CRB1: variants seen among roughly 807,000 people sequenced by gnomAD.
The protein encoded by CRB1 is protein crumbs homolog 1.
Under a neutral mutation model 120.0 loss-of-function variants are expected in CRB1, and 83 were observed. That is an observed-to-expected ratio of 0.69 (90% CI 0.58 to 0.83). The LOEUF (loss-of-function observed/expected upper bound fraction) is 0.83. Among genes scored for constraint, CRB1 ranks in the 40% least tolerant of loss-of-function variants. CRB1 has a pLI of 0.00. For synonymous variants in CRB1, 625 were observed against 612.5 expected, an observed-to-expected ratio of 1.02 and a Z score of -0.30; for missense variants, 1,699 against 1,687.6, an observed-to-expected ratio of 1.01 and a Z score of -0.12.
rs778684885 is a variant in CRB1, at chr1:197,442,288, T to C, written c.4001T>C (p.Val1334Ala). ...GCCTTTGCTGGCGAGCGCTGCGAGG[T>C]GGACGTAAGCAGCCTCTCCTTTTAT... ...DVAFAGERCE[V>A]DLADDLISDI... The change falls in exon 11 of 12, where the codon GTG (valine) becomes GCG (alanine). Residue 1334 changes from valine to alanine, a missense_variant. Transcript: ENST00000367400. The C allele has an allele frequency of 3.1e-6, 5 of 1,614,232 alleles. No homozygotes were observed. Among genetic ancestry groups the C allele is most frequent in the Non-Finnish European group, 3.4e-6 (4 of 1,180,042 alleles).
chr1:197,435,098 G>A lies in CRB1; in HGVS notation c.3235G>A (p.Asp1079Asn), dbSNP rs1200731853. 1.2e-6 allele frequency: 2 copies of A among 1,613,922 alleles called. No individual in the cohort carries two copies. Among genetic ancestry groups the A allele is most frequent in the South Asian group, 1.1e-5 (1 of 91,084 alleles). Reference protein sequence around the residue: ...GSLNFLKDNTDIYVGDRAIDN... With the variant: ...GSLNFLKDNTNIYVGDRAIDN... ...CCTCAACTTTTTGAAGGATAATACA[G>A]ATATTTATGTGGGAGACAGAGCTAT... Residue 1079 changes from aspartate (D) to asparagine (N), a missense_variant, in exon 9 of 12, where the codon GAT becomes AAT. Transcript: ENST00000367400.
intron 11 of CRB1, among the ~76,000 whole-genome samples, chr1:197,470,331 G>A (rs372867954): frequency 6.6e-6 from 1 of 152,126 alleles, no homozygotes; most frequent in African/African-American, 2.4e-5. Flanking sequence ...CAAAGAGGAT[G>A]GTCAGGGAAG....
At chr1:197,344,745 T>G (rs960910464) in intron 3 of CRB1, among the ~76,000 whole-genome samples, 1 of 152,138 alleles carries the variant, frequency 6.6e-6, no homozygotes, top group African/African-American at 2.4e-5. Flanking sequence ...TTCCATGAAA[T>G]AAAGCTGTTG....
At chr1:197,342,711 CT>C (rs1191003202) in intron 2 of CRB1, among the ~76,000 whole-genome samples, 1 of 152,094 alleles carries the variant, frequency 6.6e-6, no homozygotes, top group Non-Finnish European at 1.5e-5. Context: ...CTTCCAGTCA[CT>C]TTTCAAACAT....
chr1:197,385,336 C>T (rs1292198872), intron 5 of CRB1, among the ~76,000 whole-genome samples: 1 of 152,072 alleles, frequency 6.6e-6, no homozygotes, highest in Admixed American at 6.6e-5. Context: ...TGTAAATAGA[C>T]AAATGAGGCA....
chr1:197,413,456 G>A (rs542545769), intron 5 of CRB1, among the ~76,000 whole-genome samples: 2 of 152,030 alleles, frequency 1.3e-5, no homozygotes, highest in African/African-American at 4.8e-5. Context: ...ATTTGAAGTT[G>A]CCATTAATTT....
At chr1:197,457,564 A>G (rs1010941273) in intron 11 of CRB1, among the ~76,000 whole-genome samples, 5 of 152,154 alleles carry the variant, frequency 3.3e-5, no homozygotes, top group African/African-American at 7.2e-5. Flanking sequence ...TAACTTCAGT[A>G]CCTGGCAATC....
intron 11 of CRB1, chr1:197,442,608 T>G: frequency 8.1e-7 from 1 of 1,240,186 alleles, no homozygotes; most frequent in Non-Finnish European, 1.1e-6. Flanking sequence ...ATTCTAACTT[T>G]AAATATGAAA....
Position 197,427,962 on chromosome 1 carries a change from C to T in CRB1, c.2637C>T (p.Val879=). ...ATGCATCTCTCAATCCAGTTCTTGT[C>T]AATGTAACCCAAGGCTGTGCTGGAG... The part of the protein sequence containing the change: ...TNNASLNPVL[V]NVTQGCAGDN... Residue 879 remains valine, a synonymous_variant, in exon 7 of 12, where the codon GTC becomes GTT. Coordinates refer to ENST00000367400, the MANE Select transcript of CRB1 (RefSeq NM_201253.3). 1 of 1,613,900 alleles carries T rather than the reference C, an allele frequency of 6.2e-7. No individual in the cohort carries two copies. Among genetic ancestry groups the T allele is most frequent in the Non-Finnish European group, 8.5e-7 (1 of 1,179,958 alleles).
chr1:197,341,874 A>G lies in CRB1; in HGVS notation c.653-2407A>G, dbSNP rs185341374. Among the ~76,000 whole-genome samples, 136 of 152,330 alleles carry G rather than the reference A, an allele frequency of 8.9e-4. 1 individual carries two copies. Among genetic ancestry groups the G allele is most frequent in the African/African-American group, 3.2e-3 (135 of 41,582 alleles). On this transcript the variant is annotated intron_variant, in intron 2 of 11. Coordinates refer to ENST00000367400, the MANE Select transcript of CRB1 (RefSeq NM_201253.3). ...CTTTCTTGCTGAAACCACTGTTCCCATGAGTCCACTAGTGGGACATTTAAC... is the reference window on the plus strand; with the variant it reads ...CTTTCTTGCTGAAACCACTGTTCCCGTGAGTCCACTAGTGGGACATTTAAC...
chr1:197,351,332 C>T (rs1660086201), intron 4 of CRB1, among the ~76,000 whole-genome samples: 1 of 134,590 alleles, frequency 7.4e-6, no homozygotes, highest in South Asian at 2.3e-4. Flanking sequence ...TGCACTCCAG[C>T]CTGTACTCCA....
chr1:197,413,819 C>T (rs966053724), intron 5 of CRB1: 7 of 424,778 alleles, frequency 1.6e-5, no homozygotes, highest in African/African-American at 1.4e-4. Flanking sequence ...AGTCCCCATA[C>T]TCTCTACCTG....
At chr1:197,332,139 C>CA (rs1057079857) in intron 2 of CRB1, among the ~76,000 whole-genome samples, 3 of 149,354 alleles carry the variant, frequency 2.0e-5, no homozygotes, top group South Asian at 2.1e-4. Flanking sequence ...GACCCTGTCT[C>CA]AAAAAAACAA....
upstream of CRB1, chr1:197,268,144 G>C: frequency 2.3e-6 from 1 of 432,276 alleles, no homozygotes; most frequent in South Asian, 2.3e-5. Flanking sequence ...AAGGCTTGAG[G>C]GGGGAATGAA....
At chr1:197,414,859 A>T (rs184551689) in intron 5 of CRB1, among the ~76,000 whole-genome samples, 1 of 152,092 alleles carries the variant, frequency 6.6e-6, no homozygotes, top group African/African-American at 2.4e-5. Flanking sequence ...GTTGGACTTT[A>T]TTTTACATTG....
At chr1:197,462,657 T>A (rs1558158530) in intron 11 of CRB1, among the ~76,000 whole-genome samples, 1 of 152,138 alleles carries the variant, frequency 6.6e-6, no homozygotes, top group Non-Finnish European at 1.5e-5. Flanking sequence ...TTCTGGAAAA[T>A]TAGGAAATTG....
chr1:197,323,762 C>A (rs929358188), intron 1 of CRB1, among the ~76,000 whole-genome samples: 1 of 152,140 alleles, frequency 6.6e-6, no homozygotes, highest in Admixed American at 6.5e-5. Flanking sequence ...GGCACATGCA[C>A]TTGGTCCCTT....
intron 1 of CRB1, among the ~76,000 whole-genome samples, chr1:197,285,750 C>CA (rs1283124236): frequency 8.6e-5 from 13 of 151,976 alleles, no homozygotes; most frequent in African/African-American, 3.1e-4. Flanking sequence ...GTGGATGACT[C>CA]AGGAGACTAA....
At chr1:197,342,863 T>C (rs898278859) in intron 2 of CRB1, among the ~76,000 whole-genome samples, 2 of 152,170 alleles carry the variant, frequency 1.3e-5, no homozygotes, top group East Asian at 3.8e-4. Context: ...CAGTCCTGGA[T>C]GGTCTGTCAA....
Sources: allele counts gnomAD v4.1 joint callset (sites outside exome capture counted in the v4.1 genomes callset), GRCh38; gene constraint gnomAD v4.1.1; transcripts MANE v1.5; gene names NCBI Gene and HGNC (gene_info 2026-07-23, HGNC 2026-07-21).